The following SAXO5 variants were observed in gnomAD, a reference collection of about 807,000 sequenced individuals.
SAXO5 encodes the protein stabilizer of axonemal microtubules 5.
At chr19:7,500,422 C>G in the SAXO5 span, among the ~76,000 whole-genome samples, 1 of 152,178 alleles carries the variant, frequency 6.6e-6, no homozygotes, top group Non-Finnish European at 1.5e-5. Context: ...CTGCCTCAGC[C>G]TCCCGAGTAG....
At chr19:7,505,510 C>T in the SAXO5 span, 17 of 1,614,020 alleles carry the variant, frequency 1.1e-5, no homozygotes, top group South Asian at 2.2e-5. Flanking sequence ...TGTTCCGCTT[C>T]TGGCAGAGCC....
the SAXO5 span, chr19:7,508,080 C>T: frequency 4.2e-6 from 3 of 715,844 alleles, no homozygotes; most frequent in Admixed American, 2.6e-5. Flanking sequence ...GGCTCCGCCC[C>T]GACCAGCTAG....
the SAXO5 span, chr19:7,500,989 C>G: frequency 7.2e-6 from 11 of 1,535,924 alleles, no homozygotes; most frequent in Non-Finnish European, 9.6e-6. Context: ...ACCCGGGAGC[C>G]GCCGAGCCTG....
At chr19:7,497,566 G>A in the SAXO5 span, 1 of 139,082 alleles carries the variant, frequency 7.2e-6, no homozygotes, top group African/African-American at 2.5e-5. Context: ...CTTGGATGCA[G>A]CCTGGGAAGG....
At chr19:7,504,462 C>T in the SAXO5 span, 1 of 1,452,012 alleles carries the variant, frequency 6.9e-7, no homozygotes, top group Non-Finnish European at 9.7e-7. Context: ...AATCCCAGCA[C>T]TTTGGGAGGC....
At chr19:7,504,206 T>C in the SAXO5 span, 1 of 1,614,188 alleles carries the variant, frequency 6.2e-7, no homozygotes, top group Non-Finnish European at 8.5e-7. Flanking sequence ...CAGGCCCACC[T>C]GCCTTGAGGT....
chr19:7,505,588 G>A, the SAXO5 span: 6 of 1,614,182 alleles, frequency 3.7e-6, no homozygotes, highest in East Asian at 4.5e-5. Context: ...CCCCGGCCCC[G>A]GCAGTCTGGA....
the SAXO5 span, chr19:7,501,318 C>A: frequency 6.4e-7 from 1 of 1,572,144 alleles, no homozygotes; most frequent in Admixed American, 1.7e-5. Context: ...CGACAAGTTG[C>A]GCATCCCGCC....
At chr19:7,505,739 T>C in the SAXO5 span, 2 of 1,094,264 alleles carry the variant, frequency 1.8e-6, no homozygotes, top group East Asian at 2.5e-5. Flanking sequence ...AGGAATCTCC[T>C]GGATGTACTT....
At chr19:7,506,459 A>G in the SAXO5 span, 1 of 443,990 alleles carries the variant, frequency 2.3e-6, no homozygotes, top group South Asian at 2.0e-5. Context: ...TCTCCCCTTC[A>G]TAACTCCATC....
At chr19:7,502,463 G>A in the SAXO5 span, among the ~76,000 whole-genome samples, 7 of 152,140 alleles carry the variant, frequency 4.6e-5, no homozygotes, top group Non-Finnish European at 8.8e-5. Context: ...GCAGACAGCG[G>A]GTAGAGGCCA....
the SAXO5 span, among the ~76,000 whole-genome samples, chr19:7,501,875 G>GAGGA: frequency 4.1e-5 from 6 of 145,694 alleles, no homozygotes; most frequent in South Asian, 4.4e-4. Flanking sequence ...GAGAGAGAGA[G>GAGGA]AGGAAGGAAG....
At chr19:7,506,274 A>G in the SAXO5 span, 1 of 916,526 alleles carries the variant, frequency 1.1e-6, no homozygotes, top group South Asian at 1.5e-5. Flanking sequence ...GCCCCCACGG[A>G]GCCCCGTCCC....
the SAXO5 span, chr19:7,505,687 G>A: frequency 2.7e-6 from 4 of 1,501,290 alleles, no homozygotes; most frequent in Non-Finnish European, 3.7e-6. Flanking sequence ...GCAAATAGCA[G>A]GTGCAGAAGT....
At chr19:7,502,577 G>A in the SAXO5 span, among the ~76,000 whole-genome samples, 2 of 152,116 alleles carry the variant, frequency 1.3e-5, no homozygotes, top group African/African-American at 4.8e-5. Context: ...TCAGGAGGGT[G>A]GACATATCCT....
chr19:7,505,298 T>A, the SAXO5 span: 2 of 1,607,470 alleles, frequency 1.2e-6, no homozygotes, highest in Non-Finnish European at 1.7e-6. Flanking sequence ...TACCTTATTC[T>A]TGATGGAATA....
chr19:7,504,503 C>T, the SAXO5 span: 283 of 971,396 alleles, frequency 2.9e-4, 2 homozygotes, highest in Middle Eastern at 3.3e-3. Flanking sequence ...GTCAGGAGCT[C>T]GAGACCAGCC....
At chr19:7,502,111 A>G in the SAXO5 span, among the ~76,000 whole-genome samples, 17 of 151,950 alleles carry the variant, frequency 1.1e-4, no homozygotes, top group South Asian at 2.3e-3. Flanking sequence ...TTATATATAT[A>G]TGTGTATATA....
chr19:7,508,227 C>T, the SAXO5 span: 8 of 1,613,930 alleles, frequency 5.0e-6, no homozygotes, highest in Non-Finnish European at 5.1e-6. Context: ...CCACATGGAG[C>T]CCCCTCTGGG....
Sources: allele counts gnomAD v4.1 joint callset (sites outside exome capture counted in the v4.1 genomes callset), GRCh38; gene constraint gnomAD v4.1.1; transcripts MANE v1.5; gene names NCBI Gene and HGNC (gene_info 2026-07-23, HGNC 2026-07-21).